The following LDLRAD3 variants were observed in gnomAD, a reference collection of about 807,000 sequenced individuals.
The protein encoded by LDLRAD3 is low density lipoprotein receptor class A domain containing 3, also known as low-density lipoprotein receptor class A domain-containing protein 3.
Under a neutral mutation model 29.4 loss-of-function variants are expected in LDLRAD3, and 20 were observed. The observed-to-expected ratio is 0.68, with a 90% confidence interval of 0.48 to 0.99. The LOEUF (loss-of-function observed/expected upper bound fraction) is 0.99. LDLRAD3 is among the 50% of genes least tolerant of loss of function. The pLI is 0.00. For synonymous variants in LDLRAD3, 157 were observed against 192.7 expected, an observed-to-expected ratio of 0.81 and a Z score of 1.53; for missense variants, 420 against 454.3, an observed-to-expected ratio of 0.92 and a Z score of 0.69.
chr11:36,226,212 G>A (rs1037361918), intron 4 of LDLRAD3, among the ~76,000 whole-genome samples: 4 of 152,160 alleles, frequency 2.6e-5, no homozygotes, highest in African/African-American at 9.7e-5. Flanking sequence ...CCCAAGAACT[G>A]GGCACTATTA....
intron 1 of LDLRAD3, among the ~76,000 whole-genome samples, chr11:36,003,096 A>G (rs1249954282): frequency 6.6e-6 from 1 of 152,240 alleles, no homozygotes. Context: ...TCCAAGTTTA[A>G]TTAAGCCACC....
chr11:36,019,111 G>C (rs970353966), intron 1 of LDLRAD3, among the ~76,000 whole-genome samples: 3 of 152,142 alleles, frequency 2.0e-5, no homozygotes, highest in African/African-American at 7.2e-5. Flanking sequence ...TTTTCCTCCT[G>C]GCTGGAGAGT....
intron 4 of LDLRAD3, among the ~76,000 whole-genome samples, chr11:36,115,095 A>C (rs11033433): frequency 0.034 from 5,246 of 152,220 alleles, 354 homozygotes; most frequent in East Asian, 0.32. Flanking sequence ...AGACTGCCAT[A>C]TTGTGAGGAA....
At chr11:36,032,153 A>C (rs545988316) in intron 1 of LDLRAD3, among the ~76,000 whole-genome samples, 1 of 152,154 alleles carries the variant, frequency 6.6e-6, no homozygotes, top group Non-Finnish European at 1.5e-5. Context: ...AAAGATCCTC[A>C]TCTCCAAATA....
At chr11:35,949,144 G>GT (rs1179915919) in intron 1 of LDLRAD3, among the ~76,000 whole-genome samples, 1 of 152,144 alleles carries the variant, frequency 6.6e-6, no homozygotes. Flanking sequence ...TAGCCACACA[G>GT]TTCCATGGGA....
At chr11:36,145,999 C>G (rs1053486715) in intron 4 of LDLRAD3, among the ~76,000 whole-genome samples, 3 of 81,604 alleles carry the variant, frequency 3.7e-5, no homozygotes, top group African/African-American at 1.3e-4. Flanking sequence ...CAAGAATGAT[C>G]AATAAAAAAA....
At chr11:36,177,222 A>T (rs1205719703) in intron 4 of LDLRAD3, among the ~76,000 whole-genome samples, 1 of 151,940 alleles carries the variant, frequency 6.6e-6, no homozygotes, top group African/African-American at 2.4e-5. Flanking sequence ...TTCATATCCT[A>T]TATTACTTTT....
chr11:35,977,524 T>C (rs1851490861), intron 1 of LDLRAD3, among the ~76,000 whole-genome samples: 1 of 152,044 alleles, frequency 6.6e-6, no homozygotes, highest in Non-Finnish European at 1.5e-5. Context: ...ACAGGGCTAT[T>C]TTACAGAAAA....
intron 2 of LDLRAD3, among the ~76,000 whole-genome samples, chr11:36,054,211 C>G (rs1353244256): frequency 6.6e-6 from 1 of 152,282 alleles, no homozygotes. Context: ...TGTGTCATCA[C>G]TTAATTTGTT....
intron 2 of LDLRAD3, among the ~76,000 whole-genome samples, chr11:36,048,205 T>C (rs1852479845): frequency 6.6e-6 from 1 of 152,216 alleles, no homozygotes; most frequent in South Asian, 2.1e-4. Flanking sequence ...TCAGAAATAC[T>C]GTGGATGTTC....
intron 4 of LDLRAD3, among the ~76,000 whole-genome samples, chr11:36,119,574 T>G (rs767581046): frequency 2.8e-4 from 43 of 152,160 alleles, no homozygotes; most frequent in Admixed American, 1.6e-3. Flanking sequence ...TTGATTTGCA[T>G]TTTCCTAATG....
chr11:36,116,053 T>A (rs1853669432), intron 4 of LDLRAD3, among the ~76,000 whole-genome samples: 1 of 152,136 alleles, frequency 6.6e-6, no homozygotes, highest in Admixed American at 6.5e-5. Context: ...ACTCTGAGCT[T>A]CACAAAGGCA....
chr11:36,218,297 T>C (rs1203527006), intron 4 of LDLRAD3, among the ~76,000 whole-genome samples: 1 of 152,206 alleles, frequency 6.6e-6, no homozygotes, highest in Non-Finnish European at 1.5e-5. Flanking sequence ...CATGCCCTTC[T>C]GGGGGTTGAT....
At chr11:35,988,831 C>T (rs952340006) in intron 1 of LDLRAD3, 7 of 152,106 alleles carry the variant, frequency 4.6e-5, no homozygotes, top group African/African-American at 1.7e-4. Context: ...GATCTGCTCA[C>T]CTCGGCCTCC....
intron 2 of LDLRAD3, among the ~76,000 whole-genome samples, chr11:36,076,051 T>C (rs1219359277): frequency 6.6e-6 from 1 of 152,234 alleles, no homozygotes; most frequent in Non-Finnish European, 1.5e-5. Flanking sequence ...TGGTTCTCTT[T>C]GCTGGATAAT....
chr11:35,992,450 C>T, intron 1 of LDLRAD3, among the ~76,000 whole-genome samples: 1 of 152,218 alleles, frequency 6.6e-6, no homozygotes, highest in Middle Eastern at 3.4e-3. Context: ...CCCACATGTT[C>T]CCCAGTGGAT....
intron 4 of LDLRAD3, among the ~76,000 whole-genome samples, chr11:36,156,618 G>A (rs1409524901): frequency 6.6e-6 from 1 of 152,202 alleles, no homozygotes; most frequent in Non-Finnish European, 1.5e-5. Flanking sequence ...TTAAGGTAAG[G>A]AAATGACTGT....
intron 1 of LDLRAD3, among the ~76,000 whole-genome samples, chr11:35,949,050 G>T (rs990794948): frequency 6.6e-6 from 1 of 151,948 alleles, no homozygotes; most frequent in Non-Finnish European, 1.5e-5. Flanking sequence ...TCATTACTGT[G>T]CATCCTGAGT....
At chr11:36,089,434 T>A (rs948879350) in intron 3 of LDLRAD3, among the ~76,000 whole-genome samples, 2 of 13,540 alleles carry the variant, frequency 1.5e-4, no homozygotes, top group Non-Finnish European at 2.5e-4. Flanking sequence ...CCAATACATT[T>A]TTTTTTTTTT....
Sources: gnomAD v4.1 joint callset for allele counts (sites outside exome capture counted in the v4.1 genomes callset) on GRCh38, gnomAD v4.1.1 for gene constraint, MANE v1.5 for transcripts, NCBI Gene and HGNC (gene_info 2026-07-23, HGNC 2026-07-21) for gene names.